Variants in KCTD8 observed in about 807,000 individuals in gnomAD.
KCTD8 encodes the protein BTB/POZ domain-containing protein KCTD8.
In KCTD8, 27 loss-of-function variants were observed where a neutral mutation model predicts 31.5. The ratio of observed to expected loss-of-function variants is 0.86; its 90% CI spans 0.63 to 1.18. The LOEUF (loss-of-function observed/expected upper bound fraction) is 1.18, where lower values mean the gene tolerates loss of function less well. Ranked by LOEUF, KCTD8 falls within the 50% of genes most tolerant of loss-of-function variation. The pLI, the probability that KCTD8 is intolerant of heterozygous loss-of-function variation, is 0.00. For synonymous variants in KCTD8, 290 were observed against 280.0 expected (o/e 1.04, Z -0.36); for missense variants, 658 against 647.7 (o/e 1.02, Z -0.17).
At chr4:44,366,710 G>C (rs1719649417) in intron 1 of KCTD8, among the ~76,000 whole-genome samples, 1 of 152,110 alleles carries the variant, frequency 6.6e-6, no homozygotes, top group African/African-American at 2.4e-5. Context: ...ACAGTTCCTT[G>C]TAGTAGGATT....
chr4:44,390,147 C>T (rs1230648170), intron 1 of KCTD8, among the ~76,000 whole-genome samples: 1 of 151,660 alleles, frequency 6.6e-6, no homozygotes, highest in East Asian at 1.9e-4. Context: ...TAATTAAGTC[C>T]CATCTATTTA....
chr4:44,267,749 G>C (rs1353120401), intron 1 of KCTD8, among the ~76,000 whole-genome samples: 2 of 152,168 alleles, frequency 1.3e-5, no homozygotes, highest in African/African-American at 4.8e-5. Context: ...ATTACCATCA[G>C]AGAATACTAC....
chr4:44,210,049 C>T (rs12233856), intron 1 of KCTD8, among the ~76,000 whole-genome samples: 1 of 152,128 alleles, frequency 6.6e-6, no homozygotes, highest in Non-Finnish European at 1.5e-5. Flanking sequence ...GACCAGAAGG[C>T]AAATTAACCT....
chr4:44,272,162 T>G (rs545913104), intron 1 of KCTD8, among the ~76,000 whole-genome samples: 3 of 148,778 alleles, frequency 2.0e-5, no homozygotes, highest in Admixed American at 6.6e-5. Context: ...CATAAGTAAC[T>G]GCTGTTTTTC....
chr4:44,200,928 G>C (rs1363124361), intron 1 of KCTD8, among the ~76,000 whole-genome samples: 1 of 151,848 alleles, frequency 6.6e-6, no homozygotes, highest in Non-Finnish European at 1.5e-5. Context: ...CTGCCAAAAG[G>C]CTCCTGAAAC....
At chr4:44,382,591 G>C (rs570319069) in intron 1 of KCTD8, among the ~76,000 whole-genome samples, 1 of 151,820 alleles carries the variant, frequency 6.6e-6, no homozygotes, top group Non-Finnish European at 1.5e-5. Context: ...TTACCCGGGC[G>C]TGGTGGTGGG....
chr4:44,184,861 C>T (rs1442722113), intron 1 of KCTD8, among the ~76,000 whole-genome samples: 3 of 152,154 alleles, frequency 2.0e-5, no homozygotes, highest in African/African-American at 7.2e-5. Flanking sequence ...CTTCTGGTGT[C>T]CCATATCCCT....
chr4:44,401,011 C>CTTTTTTTTTTTTTTTTTTTTTTTTTTT, intron 1 of KCTD8, among the ~76,000 whole-genome samples: 1 of 95,916 alleles, frequency 1.0e-5, no homozygotes, highest in Non-Finnish European at 2.0e-5. Flanking sequence ...AATTTTCTTT[C>CTTTTTTTTTTTTTTTTTTTTTTTTTTT]TTTTTTTTTT....
intron 1 of KCTD8, among the ~76,000 whole-genome samples, chr4:44,235,739 T>C (rs921419981): frequency 7.3e-5 from 11 of 151,516 alleles, no homozygotes; most frequent in Non-Finnish European, 1.3e-4. Context: ...AATAATATCA[T>C]ATATCTCTCA....
At chr4:44,175,451 C>T (rs1560386082) in intron 1 of KCTD8, among the ~76,000 whole-genome samples, 4 of 152,032 alleles carry the variant, frequency 2.6e-5, no homozygotes. Context: ...ATGCAGTATG[C>T]TGATTAATTA....
At chr4:44,307,150 A>G (rs535453347) in intron 1 of KCTD8, among the ~76,000 whole-genome samples, 1 of 152,126 alleles carries the variant, frequency 6.6e-6, no homozygotes, top group African/African-American at 2.4e-5. Context: ...AAAACTAGTA[A>G]AGCTAGTCAA....
intron 1 of KCTD8, among the ~76,000 whole-genome samples, chr4:44,276,880 G>A (rs1005234169): frequency 1.3e-5 from 2 of 151,902 alleles, no homozygotes; most frequent in Non-Finnish European, 2.9e-5. Context: ...CAAAGAATGG[G>A]AGTGTTTAAA....
At chr4:44,181,740 G>A (rs1008960941) in intron 1 of KCTD8, among the ~76,000 whole-genome samples, 57 of 152,068 alleles carry the variant, frequency 3.7e-4, no homozygotes, top group African/African-American at 1.3e-3. Context: ...CCTCTGCCCG[G>A]CTGCCCAGTC....
intron 1 of KCTD8, among the ~76,000 whole-genome samples, chr4:44,400,182 G>A (rs577409806): frequency 6.6e-6 from 1 of 152,240 alleles, no homozygotes; most frequent in South Asian, 2.1e-4. Context: ...TTTCTGATAA[G>A]TTTCTAGAAA....
chr4:44,294,427 A>G (rs947928289), intron 1 of KCTD8, among the ~76,000 whole-genome samples: 4 of 152,230 alleles, frequency 2.6e-5, no homozygotes, highest in African/African-American at 7.2e-5. Context: ...GGAAAAACAT[A>G]TGTTTAAAAG....
chr4:44,323,507 C>G (rs192910221), intron 1 of KCTD8, among the ~76,000 whole-genome samples: 10 of 135,692 alleles, frequency 7.4e-5, no homozygotes, highest in South Asian at 2.7e-4. Context: ...CCCACCCCCC[C>G]CCAAAAAAAA....
At chr4:44,181,223 C>A (rs1713376965) in intron 1 of KCTD8, among the ~76,000 whole-genome samples, 1 of 110,456 alleles carries the variant, frequency 9.1e-6, no homozygotes, top group Non-Finnish European at 1.8e-5. Context: ...CCCTCTCTTT[C>A]CACGGTCTCC....
At chr4:44,446,201 T>C (rs1341474401) in intron 1 of KCTD8, among the ~76,000 whole-genome samples, 1 of 152,202 alleles carries the variant, frequency 6.6e-6, no homozygotes, top group East Asian at 1.9e-4. Context: ...ACCTTCCAGT[T>C]AAGCTTGCAC....
intron 1 of KCTD8, among the ~76,000 whole-genome samples, chr4:44,357,660 A>C (rs1264737550): frequency 2.6e-5 from 4 of 152,190 alleles, no homozygotes; most frequent in Non-Finnish European, 5.9e-5. Flanking sequence ...CATATACTTC[A>C]GAGGATGTGA....
Sources: allele counts gnomAD v4.1 joint callset (sites outside exome capture counted in the v4.1 genomes callset), GRCh38; gene constraint gnomAD v4.1.1; transcripts MANE v1.5; gene names NCBI Gene and HGNC (gene_info 2026-07-23, HGNC 2026-07-21).